SBF2: variants seen among roughly 807,000 people sequenced by gnomAD.
SBF2 encodes myotubularin-related protein 13.
In SBF2, 112 loss-of-function variants were observed where a neutral mutation model predicts 225.2. That is an observed-to-expected ratio of 0.50 (90% CI 0.43 to 0.58). SBF2 has a LOEUF of 0.58. Among genes scored for constraint, SBF2 ranks in the 20% least tolerant of loss-of-function variants. The pLI is 0.00. For missense variants in SBF2, 1,996 were observed against 2,206.2 expected (o/e 0.90, Z 1.91); for synonymous variants, 763 against 773.3 (o/e 0.99, Z 0.22).
chr11:9,850,567 A>G (rs1334530419), intron 21 of SBF2, among the ~76,000 whole-genome samples: 1 of 152,164 alleles, frequency 6.6e-6, no homozygotes, highest in Non-Finnish European at 1.5e-5. Flanking sequence ...TATTTTAAAC[A>G]CAACTTTTGT....
intron 2 of SBF2, among the ~76,000 whole-genome samples, chr11:10,127,017 T>C (rs1953788004): frequency 6.6e-6 from 1 of 151,950 alleles, no homozygotes; most frequent in Admixed American, 6.6e-5. Context: ...GGAACAGAGA[T>C]TACCAGGAGG....
rs138410095 is a variant in SBF2, at chr11:9,962,046, C to T, written c.1771G>A (p.Glu591Lys). 2 of 1,613,946 alleles carry T rather than the reference C, an allele frequency of 1.2e-6. No homozygotes were observed. Among genetic ancestry groups the T allele is most frequent in the African/African-American group, 2.7e-5 (2 of 74,924 alleles). ...TTTTGCTGGACATGCAAACCCAATT[C>T]ATCAGTGAGACACTGTCTTGCTGCC... ...GKAARQCLTD[E>K]LGLHVQQNRA... The change falls in exon 16 of 40, where the codon GAA (glutamate) becomes AAA (lysine). Residue 591 changes from glutamate to lysine, a missense_variant. Transcript: ENST00000256190.
At chr11:9,856,043 G>C (rs1857290961) in intron 19 of SBF2, among the ~76,000 whole-genome samples, 1 of 152,198 alleles carries the variant, frequency 6.6e-6, no homozygotes, top group Non-Finnish European at 1.5e-5. Context: ...AGTGGTATGA[G>C]AAGTTACTGG....
intron 6 of SBF2, among the ~76,000 whole-genome samples, chr11:10,014,747 A>T (rs979254339): frequency 1.3e-5 from 2 of 152,114 alleles, no homozygotes; most frequent in African/African-American, 4.8e-5. Flanking sequence ...TGAATTTTTT[A>T]ATATATGTAA....
At chr11:10,060,549 G>T (rs1167200138) in intron 2 of SBF2, among the ~76,000 whole-genome samples, 3 of 152,130 alleles carry the variant, frequency 2.0e-5, no homozygotes, top group Non-Finnish European at 4.4e-5. Flanking sequence ...GCATCATCCT[G>T]ATACCTAAAC....
At chr11:9,878,032 A>G (rs1859419697) in intron 17 of SBF2, among the ~76,000 whole-genome samples, 1 of 152,056 alleles carries the variant, frequency 6.6e-6, no homozygotes, top group Non-Finnish European at 1.5e-5. Flanking sequence ...AAGCATTCCT[A>G]TTTCTCCACA....
intron 2 of SBF2, among the ~76,000 whole-genome samples, chr11:10,129,084 G>A (rs1034554452): frequency 7.1e-6 from 1 of 141,084 alleles, no homozygotes; most frequent in African/African-American, 2.6e-5. Context: ...TTTGTTATTT[G>A]CACGCAATTT....
At chr11:10,010,887 A>G (rs2134552580) in intron 6 of SBF2, among the ~76,000 whole-genome samples, 1 of 152,246 alleles carries the variant, frequency 6.6e-6, no homozygotes, top group East Asian at 1.9e-4. Context: ...ATGTTTTTCC[A>G]TTTGTTTTTG....
At chr11:10,092,225 GC>G (rs1333225727) in intron 2 of SBF2, among the ~76,000 whole-genome samples, 1 of 152,064 alleles carries the variant, frequency 6.6e-6, no homozygotes, top group Admixed American at 6.6e-5. Flanking sequence ...AGGGTCTCAG[GC>G]CCTAGAAAGA....
intron 39 of SBF2, chr11:9,780,895 G>C (rs2173030): frequency 0.83 from 269,830 of 323,968 alleles, 113,970 homozygotes; most frequent in Non-Finnish European, 0.89. Context: ...TGAGATTCAT[G>C]CATACCATAA....
At chr11:10,046,560 A>G (rs927689246) in intron 2 of SBF2, among the ~76,000 whole-genome samples, 2 of 152,066 alleles carry the variant, frequency 1.3e-5, no homozygotes, top group African/African-American at 4.8e-5. Flanking sequence ...ACAAAATCCA[A>G]TACCTATTGA....
Position 10,193,951 on chromosome 11 carries a change from A to C in SBF2, c.92T>G (p.Phe31Cys). 1 of 1,613,110 alleles carries C rather than the reference A, an allele frequency of 6.2e-7. No individual in the cohort carries two copies. The change falls in exon 2 of 40, where the codon TTT (phenylalanine) becomes TGT (cysteine). Residue 31 changes from phenylalanine (F) to cysteine (C), a missense_variant. Transcript: ENST00000256190. ...TGTATCATCCCAGTCCTTCTGTGGA[A>C]ATCTCTGGATTATTTTCCCCAGACC... ...GEGLGKIIQR[F>C]PQKDWDDTPF...
At chr11:10,282,383 A>C (rs1282719818) in intron 1 of SBF2, among the ~76,000 whole-genome samples, 2 of 151,984 alleles carry the variant, frequency 1.3e-5, no homozygotes, top group African/African-American at 2.4e-5. Context: ...TTTTCTTCAT[A>C]TTTGACAATC....
chr11:10,286,980 A>G (rs1365597992), intron 1 of SBF2, among the ~76,000 whole-genome samples: 2 of 152,262 alleles, frequency 1.3e-5, no homozygotes, highest in African/African-American at 2.4e-5. Flanking sequence ...AATTATGTTC[A>G]CCATAGCCCA....
chr11:10,126,248 A>G (rs1313021780), intron 2 of SBF2, among the ~76,000 whole-genome samples: 1 of 151,950 alleles, frequency 6.6e-6, no homozygotes, highest in African/African-American at 2.4e-5. Context: ...GCTTTTCTCA[A>G]CCCTAATACT....
At chr11:10,137,690 T>C (rs11828592) in intron 2 of SBF2, among the ~76,000 whole-genome samples, 8,460 of 152,258 alleles carry the variant, frequency 0.056, 316 homozygotes, top group Middle Eastern at 0.15. Context: ...CTGCTTTTGG[T>C]ATCAGAGTAA....
At chr11:10,227,637 T>A (rs1019827371) in intron 1 of SBF2, among the ~76,000 whole-genome samples, 1 of 152,218 alleles carries the variant, frequency 6.6e-6, no homozygotes, top group Non-Finnish European at 1.5e-5. Context: ...GTTGTAGATA[T>A]GCGGCATTAT....
chr11:9,939,432 A>G (rs1345310562), intron 16 of SBF2, among the ~76,000 whole-genome samples: 1 of 152,182 alleles, frequency 6.6e-6, no homozygotes, highest in Admixed American at 6.5e-5. Flanking sequence ...AATTCAATTA[A>G]TACTGCAGGG....
intron 2 of SBF2, among the ~76,000 whole-genome samples, chr11:10,115,568 T>C (rs1191163623): frequency 6.6e-6 from 1 of 152,180 alleles, no homozygotes; most frequent in Non-Finnish European, 1.5e-5. Context: ...TATTCTCACA[T>C]TGGTAACTAT....
Sources: allele counts gnomAD v4.1 joint callset (sites outside exome capture counted in the v4.1 genomes callset), GRCh38; gene constraint gnomAD v4.1.1; transcripts MANE v1.5; gene names NCBI Gene and HGNC (gene_info 2026-07-23, HGNC 2026-07-21).